EIF2AK4: variants seen among roughly 807,000 people sequenced by gnomAD.
EIF2AK4 encodes the protein eukaryotic translation initiation factor 2 alpha kinase 4.
In EIF2AK4, 139 loss-of-function variants were observed where a neutral mutation model predicts 211.1. The observed-to-expected ratio is 0.66, with a 90% CI of 0.57 to 0.76. EIF2AK4 has a LOEUF of 0.76. Ranked by LOEUF, EIF2AK4 falls within the 30% of genes least tolerant of loss-of-function variation. EIF2AK4 has a pLI of 0.00. For missense variants in EIF2AK4, 1,664 were observed against 2,043.8 expected (o/e 0.81, Z 3.58); for synonymous variants, 710 against 751.3 (o/e 0.94, Z 0.90).
chr15:40,008,267 C>T (rs2035188614), intron 25 of EIF2AK4, 72 bp downstream of exon 25: 1 of 1,347,294 alleles, frequency 7.4e-7, no homozygotes, highest in African/African-American at 1.5e-5. Flanking sequence ...GGGAAAACCA[C>T]AGCTACAGAC....
chr15:39,984,986 G>A (rs527871756), intron 13 of EIF2AK4, among the ~76,000 whole-genome samples: 1 of 152,308 alleles, frequency 6.6e-6, no homozygotes, highest in East Asian at 1.9e-4. Context: ...CTGGCTGTAG[G>A]TTTGTCATAA....
chr15:40,007,968 C>G (rs2035183433), intron 24 of EIF2AK4, 59 bp from the exon 25 acceptor site: 1 of 1,276,182 alleles, frequency 7.8e-7, no homozygotes, highest in Non-Finnish European at 1.0e-6. Flanking sequence ...TCAACAATTT[C>G]TTATACATAT....
At chr15:39,960,768 G>A (rs564147477) in intron 6 of EIF2AK4, among the ~76,000 whole-genome samples, 4 of 152,148 alleles carry the variant, frequency 2.6e-5, no homozygotes, top group Non-Finnish European at 5.9e-5. Context: ...GACCTTTGTA[G>A]GGGATGGGAC....
chr15:39,985,684 C>T (rs954639839), intron 13 of EIF2AK4, 121 bp from the exon 14 acceptor site: 21 of 774,246 alleles, frequency 2.7e-5, no homozygotes, highest in Non-Finnish European at 3.7e-5. Context: ...TGCTCACTGA[C>T]TTCTCCCTAA....
intron 31 of EIF2AK4, chr15:40,022,252 G>T: frequency 3.2e-6 from 1 of 307,758 alleles, no homozygotes; most frequent in Non-Finnish European, 6.0e-6. Context: ...CTTTTATTAA[G>T]TCTTGAAGCT....
At chr15:40,022,214 G>GTGTGTGTA (rs771474808) in intron 31 of EIF2AK4, 1 of 232,474 alleles carries the variant, frequency 4.3e-6, no homozygotes, top group African/African-American at 2.5e-5. Context: ...GTGTGTGTGT[G>GTGTGTGTA]TATGTTGTGT....
intron 27 of EIF2AK4, among the ~76,000 whole-genome samples, chr15:40,012,342 C>G (rs2035245981): frequency 6.6e-6 from 1 of 152,170 alleles, no homozygotes; most frequent in Non-Finnish European, 1.5e-5. Context: ...AGAAATCACC[C>G]CTTTGCGGGT....
intron 17 of EIF2AK4, chr15:39,992,460 G>T (rs2034956824): frequency 1.9e-6 from 1 of 530,840 alleles, no homozygotes; most frequent in East Asian, 3.0e-5. Context: ...GGCTCCCAGG[G>T]GTAGACAGTT....
chr15:40,017,806 C>G (rs1482580887), intron 29 of EIF2AK4, among the ~76,000 whole-genome samples: 1 of 151,880 alleles, frequency 6.6e-6, no homozygotes, highest in African/African-American at 2.4e-5. Context: ...CTCAGCCTCT[C>G]AGAGTGCTGG....
At chr15:39,935,025 G>A (rs2140893345) in intron 1 of EIF2AK4, among the ~76,000 whole-genome samples, 1 of 152,060 alleles carries the variant, frequency 6.6e-6, no homozygotes, top group Non-Finnish European at 1.5e-5. Flanking sequence ...CTAACACTAA[G>A]GATAGCTGAT....
chr15:39,976,855 G>T lies in EIF2AK4; in HGVS notation c.2249+11G>T. The T allele has an allele frequency of 6.8e-7, 1 of 1,461,350 alleles. No homozygotes were observed. The allele number at this position is 1,461,350 out of a possible 1,614,324, so 90.5% of individuals were successfully genotyped here. A position where few individuals can be genotyped will look rare whatever the true frequency, so the allele number is the denominator to read the frequency against. On this transcript the variant is annotated intron_variant, in intron 12 of 38. Transcript: ENST00000263791. ...CTCCCAGTCCTTCCTGTAAGCGCAC[G>T]GCGCGGACCAGCTGCCTCTGATGCG...
intron 32 of EIF2AK4, among the ~76,000 whole-genome samples, chr15:40,024,103 G>A (rs560789000): frequency 6.6e-6 from 1 of 152,248 alleles, no homozygotes; most frequent in South Asian, 2.1e-4. Context: ...TCTTCTTGAT[G>A]AATTGTCTTC....
At chr15:39,951,423 GT>G in intron 4 of EIF2AK4, 1 of 307,328 alleles carries the variant, frequency 3.3e-6, no homozygotes, top group South Asian at 2.7e-5. Context: ...CAGCACAATT[GT>G]TACATGTTTG....
At chr15:40,019,792 T>TA (rs2035358305) in intron 30 of EIF2AK4, among the ~76,000 whole-genome samples, 1 of 152,196 alleles carries the variant, frequency 6.6e-6, no homozygotes, top group Non-Finnish European at 1.5e-5. Flanking sequence ...CATCCTTCCC[T>TA]AGACTCATTT....
At chr15:40,029,554 AAAT>A in intron 34 of EIF2AK4, 90 bp downstream of exon 34, 1 of 1,337,436 alleles carries the variant, frequency 7.5e-7, no homozygotes, top group Non-Finnish European at 1.0e-6. Context: ...GTGACACTGG[AAAT>A]CTATTTTTAA....
chr15:39,943,396 G>C lies in EIF2AK4; in HGVS notation c.271G>C (p.Glu91Gln), dbSNP rs780342761. The C allele has an allele frequency of 1.1e-5, 13 of 1,138,556 alleles. No homozygotes were observed. Among genetic ancestry groups the C allele is most frequent in the Non-Finnish European group, 1.4e-5 (12 of 829,912 alleles). The allele number at this position is 1,138,556 out of a possible 1,614,324, so 70.5% of individuals were successfully genotyped here. Residue 91 changes from glutamate to glutamine, a missense_variant, in exon 3 of 39, where the codon GAG (glutamate) becomes CAG (glutamine). This residue lies in a region of EIF2AK4 where 641 missense variants were observed against 729.6 expected (regional missense o/e 0.88). Coordinates refer to ENST00000263791, the MANE Select transcript of EIF2AK4 (RefSeq NM_001013703.4). ...PTYPDVVPEI[E>Q]LKNAKGLSNE... ...TGCCTTTTCCAGAGTTCCTGAAATA[G>C]AGTTAAAAAATGCCAAAGGTCTATC...
At chr15:39,988,656 G>A (rs2034900011) in intron 15 of EIF2AK4, among the ~76,000 whole-genome samples, 1 of 152,188 alleles carries the variant, frequency 6.6e-6, no homozygotes, top group Non-Finnish European at 1.5e-5. Flanking sequence ...ACCTCTGGGA[G>A]AGGAGAAAGT....
At chr15:39,953,783 G>A (rs2034352486) in intron 4 of EIF2AK4, 121 bp from the exon 5 acceptor site, 2 of 940,456 alleles carry the variant, frequency 2.1e-6, no homozygotes, top group Non-Finnish European at 1.6e-6. Context: ...TGTGTTTTCA[G>A]ATCTCTTAGG....
At chr15:40,014,611 C>T (rs1290538941) in intron 27 of EIF2AK4, among the ~76,000 whole-genome samples, 1 of 152,184 alleles carries the variant, frequency 6.6e-6, no homozygotes, top group Non-Finnish European at 1.5e-5. Context: ...ACCATTTTTT[C>T]CTCCTAGGCC....
Sources: allele counts gnomAD v4.1 joint callset (sites outside exome capture counted in the v4.1 genomes callset), GRCh38; gene constraint gnomAD v4.1.1; regional missense constraint gnomAD v4.1.1; transcripts MANE v1.5; gene names NCBI Gene and HGNC (gene_info 2026-07-23, HGNC 2026-07-21).